CEMIP2: variants seen among roughly 807,000 people sequenced by gnomAD.
CEMIP2 encodes cell surface hyaluronidase CEMIP2.
In CEMIP2, 79 loss-of-function variants were observed where a neutral mutation model predicts 146.9. That is an observed-to-expected ratio of 0.54 (90% CI 0.45 to 0.65). The LOEUF is 0.65. Among genes scored for constraint, CEMIP2 ranks in the 30% least tolerant of loss-of-function variants. The probability of loss-of-function intolerance (pLI) is 0.00; values close to 1 mark genes in which losing one functional copy is unlikely to be tolerated. For synonymous variants in CEMIP2, 601 were observed against 606.3 expected (o/e 0.99, Z 0.13); for missense variants, 1,596 against 1,696.2 (o/e 0.94, Z 1.04).
intron 19 of CEMIP2, among the ~76,000 whole-genome samples, chr9:71,700,228 C>G (rs1244065338): frequency 6.6e-6 from 1 of 152,180 alleles, no homozygotes; most frequent in African/African-American, 2.4e-5. Flanking sequence ...CACAGTTACA[C>G]AGTGATTTTC....
chr9:71,690,078 C>T lies in CEMIP2; in HGVS notation c.3851+14G>A, dbSNP rs1278195563. On this transcript the variant is annotated intron_variant, in intron 22 of 23. Coordinates refer to ENST00000377044, the MANE Select transcript of CEMIP2 (RefSeq NM_013390.3). ...AAGGTGGCTTTTCCCTGTTACAGCA[C>T]AAGCTTGACCTACCTTGGAGGGATG... 6.2e-7 allele frequency: 1 copy of T among 1,612,238 alleles called. No homozygotes were observed. Among genetic ancestry groups the T allele is most frequent in the Non-Finnish European group, 8.5e-7 (1 of 1,178,558 alleles).
At chr9:71,735,061 G>C (rs2274697) in intron 5 of CEMIP2, 67 bp from the exon 6 acceptor site, 128,396 of 1,505,602 alleles carry the variant, frequency 0.085, 6,445 homozygotes, top group South Asian at 0.19. Context: ...TCTCTAAAAT[G>C]AACCCTCACA....
At chr9:71,760,478 G>A (rs1824598895) in intron 1 of CEMIP2, among the ~76,000 whole-genome samples, 2 of 144,368 alleles carry the variant, frequency 1.4e-5, no homozygotes, top group African/African-American at 2.4e-5. Flanking sequence ...TTTATGCAAG[G>A]TAAAGGAGGC....
intron 5 of CEMIP2, among the ~76,000 whole-genome samples, chr9:71,735,409 TAATA>T (rs1426203911): frequency 6.6e-6 from 1 of 152,140 alleles, no homozygotes; most frequent in Non-Finnish European, 1.5e-5. Context: ...GATAGGTCTG[TAATA>T]AATACCCAGT....
At chr9:71,749,446 C>A (rs1475469271) in intron 2 of CEMIP2, among the ~76,000 whole-genome samples, 1 of 151,686 alleles carries the variant, frequency 6.6e-6, no homozygotes, top group South Asian at 2.1e-4. Context: ...TGGCTCACAC[C>A]TGTAATCCCA....
intron 11 of CEMIP2, among the ~76,000 whole-genome samples, chr9:71,722,832 A>T (rs774967922): frequency 1.7e-4 from 26 of 152,208 alleles, no homozygotes; most frequent in Non-Finnish European, 2.9e-4. Flanking sequence ...ATGCAATTAA[A>T]TAAATAATTA....
At chr9:71,719,510 A>G (rs1823168279) in intron 12 of CEMIP2, among the ~76,000 whole-genome samples, 1 of 152,186 alleles carries the variant, frequency 6.6e-6, no homozygotes, top group African/African-American at 2.4e-5. Flanking sequence ...TGTTCTTTTA[A>G]GAGATCACTG....
intron 1 of CEMIP2, among the ~76,000 whole-genome samples, chr9:71,755,963 A>C (rs1181639893): frequency 0.011 from 1,054 of 91,930 alleles, no homozygotes; most frequent in Non-Finnish European, 0.021. Flanking sequence ...CTGTCTCACA[A>C]AAAAAAAAAA....
chr9:71,715,125 C>A, intron 14 of CEMIP2, 36 bp from the exon 15 acceptor site: 1 of 1,601,828 alleles, frequency 6.2e-7, no homozygotes, highest in South Asian at 1.1e-5. Context: ...CTACATTTCT[C>A]CAGAAAATTT....
chr9:71,758,063 A>G lies in CEMIP2; in HGVS notation c.-12-7678T>C, dbSNP rs2132037123. On this transcript the variant is annotated intron_variant, in intron 1 of 23. Coordinates refer to ENST00000377044, the MANE Select transcript of CEMIP2 (RefSeq NM_013390.3). ...TTTAGCAGAATATAATGTATCACCTATTCTATTCCCAGAGCACACAGGATA... is the reference window on the plus strand; with the variant it reads ...TTTAGCAGAATATAATGTATCACCTGTTCTATTCCCAGAGCACACAGGATA... Among the ~76,000 whole-genome samples the G allele has an allele frequency of 2.0e-5, 3 of 152,314 alleles. No homozygotes were observed. In the Middle Eastern group the frequency reaches 0.01, roughly 518 times the overall value.
intron 1 of CEMIP2, among the ~76,000 whole-genome samples, chr9:71,757,336 C>T (rs1824492054): frequency 1.3e-5 from 2 of 152,160 alleles, no homozygotes; most frequent in African/African-American, 2.4e-5. Context: ...GAAGTTGGCA[C>T]GATCTAATCA....
chr9:71,761,797 G>A (rs1293150493), intron 1 of CEMIP2, among the ~76,000 whole-genome samples: 4 of 152,162 alleles, frequency 2.6e-5, no homozygotes, highest in East Asian at 3.8e-4. Context: ...AAGTAAACAA[G>A]TAATTAAACT....
intron 1 of CEMIP2, among the ~76,000 whole-genome samples, chr9:71,755,959 CACAAAA>C (rs1471662077): frequency 2.6e-5 from 1 of 39,030 alleles, no homozygotes; most frequent in African/African-American, 1.9e-4. Context: ...GACTCTGTCT[CACAAAA>C]AAAAAAAAAA....
chr9:71,762,357 T>A (rs1319309051), intron 1 of CEMIP2, among the ~76,000 whole-genome samples: 1 of 151,982 alleles, frequency 6.6e-6, no homozygotes, highest in African/African-American at 2.4e-5. Flanking sequence ...AACAATGATG[T>A]GCACCTGTAG....
chr9:71,704,964 TA>T (rs1822692321), intron 17 of CEMIP2, 161 bp from the exon 18 acceptor site: 1 of 628,578 alleles, frequency 1.6e-6, no homozygotes, highest in Non-Finnish European at 2.8e-6. Flanking sequence ...CAGCCACTTA[TA>T]GTGCAGCCTA....
chr9:71,719,907 C>A (rs1823185010), intron 12 of CEMIP2, among the ~76,000 whole-genome samples: 2 of 145,240 alleles, frequency 1.4e-5, no homozygotes, highest in African/African-American at 2.5e-5. Flanking sequence ...ACCATCTCAA[C>A]TTCTCTGAAC....
chr9:71,740,407 G>C (rs971824589), intron 4 of CEMIP2, among the ~76,000 whole-genome samples, 175 bp from the exon 5 acceptor site: 5 of 152,180 alleles, frequency 3.3e-5, no homozygotes, highest in Non-Finnish European at 7.3e-5. Flanking sequence ...AGTTCTCCTA[G>C]AAGGAAATGC....
intron 22 of CEMIP2, 93 bp from the exon 23 acceptor site, chr9:71,685,939 G>C: frequency 1.2e-6 from 1 of 856,902 alleles, no homozygotes; most frequent in Non-Finnish European, 1.9e-6. Flanking sequence ...CTGCTGAATA[G>C]AAATATTAGA....
chr9:71,728,293 A>ATATACG (rs1823498894), intron 10 of CEMIP2, among the ~76,000 whole-genome samples: 1 of 39,562 alleles, frequency 2.5e-5, no homozygotes, highest in African/African-American at 9.4e-5. Context: ...ATATATATAT[A>ATATACG]TATATATACA....
Sources: gnomAD v4.1 joint callset for allele counts (sites outside exome capture counted in the v4.1 genomes callset) on GRCh38, gnomAD v4.1.1 for gene constraint, MANE v1.5 for transcripts, NCBI Gene and HGNC (gene_info 2026-07-23, HGNC 2026-07-21) for gene names.